The following MRPL4 variants were observed in gnomAD, a reference collection of about 807,000 sequenced individuals.
MRPL4 encodes large ribosomal subunit protein uL4m.
A neutral mutation model predicts 34.1 loss-of-function variants in MRPL4; 34 were observed. That is an observed-to-expected ratio of 1.00 (90% CI 0.76 to 1.33). The LOEUF (loss-of-function observed/expected upper bound fraction) is 1.33, where lower values mean the gene tolerates loss of function less well. Among genes scored for constraint, MRPL4 ranks in the 40% most tolerant of loss-of-function variants. The pLI, the probability that MRPL4 is intolerant of heterozygous loss-of-function variation, is 0.00. For missense variants in MRPL4, 402 were observed against 434.6 expected, an observed-to-expected ratio of 0.92 and a Z score of 0.67; for synonymous variants, 196 against 188.3, an observed-to-expected ratio of 1.04 and a Z score of -0.33.
rs773154891 is a variant in MRPL4 at position 10,252,218 on chromosome 19, G to A, written c.-36G>A. On this transcript the variant is annotated 5_prime_UTR_variant, in exon 1 of 9. Transcript: ENST00000253099. ...AGCGGCGCCTCGCGAGGCTCCAGTG[G>A]CCTTGACCTCCCGCGGCGTGGGAGG... 24 of 1,570,796 alleles carry A rather than the reference G, an allele frequency of 1.5e-5. No individual in the cohort carries two copies. The African/African-American group carries it at 1.8e-4, about 12-fold the overall frequency.
chr19:10,253,711 C>T (rs966458484), intron 3 of MRPL4, among the ~76,000 whole-genome samples: 6 of 151,430 alleles, frequency 4.0e-5, no homozygotes, highest in African/African-American at 1.5e-4. Context: ...GAATCGCTTG[C>T]ACCTGGGGAG....
In MRPL4 at chr19:10,259,858, G is replaced by C. The variant is rs910707233; in HGVS notation, c.*45G>C. ...GCCAGGCCGAGCCCCTGGCCGACTT[G>C]GGAGCCTCAGGCCCACGCCCACCCT... On this transcript the variant is annotated 3_prime_UTR_variant, in exon 9 of 9. Transcript: ENST00000253099. 2.0e-6 allele frequency: 3 copies of C among 1,534,708 alleles called. No homozygotes were observed. Among genetic ancestry groups the C allele is most frequent in the Non-Finnish European group, 2.7e-6 (3 of 1,123,972 alleles).
chr19:10,259,502 A>C, intron 8 of MRPL4, 115 bp from the exon 9 acceptor site: 1 of 1,494,804 alleles, frequency 6.7e-7, no homozygotes, highest in South Asian at 1.3e-5. Context: ...ACAAAGTCAC[A>C]CTAGACCACA....
chr19:10,256,559 C>A (rs2039853166), intron 4 of MRPL4, 149 bp from the exon 5 acceptor site: 2 of 616,612 alleles, frequency 3.2e-6, no homozygotes, highest in Non-Finnish European at 5.7e-6. Flanking sequence ...TCTTTACCCT[C>A]CCCCTCGCTC....
chr19:10,259,034 G>A, intron 8 of MRPL4: 1 of 1,398,334 alleles, frequency 7.2e-7, no homozygotes, highest in Non-Finnish European at 9.3e-7. Flanking sequence ...AGGGGGCCAA[G>A]GCTGCAGTGA....
chr19:10,253,619 C>T (rs953472901), intron 3 of MRPL4, among the ~76,000 whole-genome samples: 5 of 151,832 alleles, frequency 3.3e-5, no homozygotes, highest in African/African-American at 7.3e-5. Context: ...GATGAAACCC[C>T]GTCTCTACCA....
In MRPL4 at chr19:10,258,316, C is replaced by A. The variant is rs974086181; in HGVS notation, c.540C>A (p.Val180=). ...TGGGTCTCAAAGTGGCACTGACCGT[C>A]AAGCTGGCCCAGGTACAGCCATGGG... is the stretch of plus-strand genomic sequence containing the variant. ...RALGLKVALT[V]KLAQDDLHIM... Residue 180 remains valine (V), a synonymous_variant, in exon 6 of 9, where the codon GTC becomes GTA. Transcript: ENST00000253099. 2 of 1,614,008 alleles carry A rather than the reference C, an allele frequency of 1.2e-6. No individual in the cohort carries two copies. The highest frequency in any genetic ancestry group is 1.7e-6 in the Non-Finnish European group (2 of 1,180,024).
At chr19:10,253,031 T>C in intron 3 of MRPL4, 1 of 308,600 alleles carries the variant, frequency 3.2e-6, no homozygotes, top group Non-Finnish European at 6.0e-6. Flanking sequence ...ATGACTTAAT[T>C]CTGGCACATA....
At chr19:10,255,175 C>T (rs1228553886) in intron 4 of MRPL4, 1 of 152,450 alleles carries the variant, frequency 6.6e-6, no homozygotes, top group African/African-American at 2.4e-5. Context: ...GCAGGGACCA[C>T]GAGGACAAAA....
At position 10,252,772 on chromosome 19, in the gene MRPL4, C is replaced by T. The variant is rs529624578; in HGVS notation, c.275+71C>T. The T allele has an allele frequency of 4.5e-6, 7 of 1,546,308 alleles. No individual in the cohort carries two copies. In the Admixed American group the frequency reaches 9.1e-5, roughly 20 times the overall value. On this transcript the variant is annotated intron_variant, in intron 3 of 8. Coordinates refer to ENST00000253099, the MANE Select transcript of MRPL4 (RefSeq NM_015956.3). ...AGCGGGATTTCAGGAGTCACGATGACTTTGGGCTTGTACCCTTGGGAAAGT... is the reference window on the plus strand; with the variant it reads ...AGCGGGATTTCAGGAGTCACGATGATTTTGGGCTTGTACCCTTGGGAAAGT...
chr19:10,252,535 C>T lies in MRPL4; in HGVS notation c.125-16C>T, dbSNP rs751673231. 5.6e-6 allele frequency: 9 copies of T among 1,613,058 alleles called. No individual in the cohort carries two copies. The highest frequency in any genetic ancestry group is 5.5e-5 in the South Asian group (5 of 91,042). Reference sequence around the variant, plus strand: ...TGACCCTTGACCCTAACCTCTGACCCCCGCAATCGCTCCAGGTCTCCCGGA... The same window carrying T: ...TGACCCTTGACCCTAACCTCTGACCTCCGCAATCGCTCCAGGTCTCCCGGA... On this transcript the variant is annotated splice_polypyrimidine_tract_variant and intron_variant, in intron 2 of 8. Coordinates refer to ENST00000253099, the MANE Select transcript of MRPL4 (RefSeq NM_015956.3).
chr19:10,254,375 G>T (rs2039828701), intron 3 of MRPL4, among the ~76,000 whole-genome samples: 1 of 152,198 alleles, frequency 6.6e-6, no homozygotes, highest in Non-Finnish European at 1.5e-5. Context: ...CTACCTGTAG[G>T]CTGAGAAAGA....
chr19:10,258,607 A>G lies in MRPL4; in HGVS notation c.663-2A>G, dbSNP rs145283760. 48 of 1,614,090 alleles carry G rather than the reference A, an allele frequency of 3.0e-5. No homozygotes were observed. The highest frequency in any genetic ancestry group is 3.8e-5 in the Non-Finnish European group (45 of 1,180,044). On this transcript the variant is annotated splice_acceptor_variant, in intron 7 of 8. Transcript: ENST00000253099. LOFTEE classifies it high-confidence loss of function. The stretch of plus-strand genomic sequence containing the variant: ...ACCCCCACTCCCTGGCCTCTCTTAC[A>G]GAACACACGAGGAGATGCCACAGAG...
chr19:10,252,719 T>C lies in MRPL4; in HGVS notation c.275+18T>C, dbSNP rs1885631054. The C allele has an allele frequency of 2.5e-6, 4 of 1,594,806 alleles. No individual in the cohort carries two copies. Among genetic ancestry groups the C allele is most frequent in the African/African-American group, 1.3e-5 (1 of 74,816 alleles). ...GCGCCCAGGTGAGCGAGGGCTGTAA[T>C]GGTGAACTGAGTGGCAGAGGGATGA... On this transcript the variant is annotated intron_variant, in intron 3 of 8. Transcript: ENST00000253099.
At position 10,258,639 on chromosome 19, in the gene MRPL4, G is replaced by A. The variant is rs1299367805; in HGVS notation, c.693G>A (p.Val231=). The change falls in exon 8 of 9, where the codon GTG becomes GTA. Residue 231 remains valine, a synonymous_variant. Transcript: ENST00000253099. ...LTHEEMPQSI[V]EATSRLKTFN... ...ACGAGGAGATGCCACAGAGCATCGTGGAGGCCACCTCTAGGCTTAAGACCT... is the reference window on the plus strand; with the variant it reads ...ACGAGGAGATGCCACAGAGCATCGTAGAGGCCACCTCTAGGCTTAAGACCT... 1 of 1,614,190 alleles carries A rather than the reference G, an allele frequency of 6.2e-7. No individual in the cohort carries two copies. The highest frequency in any genetic ancestry group is 8.5e-7 in the Non-Finnish European group (1 of 1,180,042).
At chr19:10,253,281 C>G (rs1029173622) in intron 3 of MRPL4, among the ~76,000 whole-genome samples, 3 of 150,578 alleles carry the variant, frequency 2.0e-5, no homozygotes, top group African/African-American at 4.9e-5. Flanking sequence ...TCGAGACCAT[C>G]CTGGCTAACA....
Position 10,259,662 on chromosome 19 carries a change from C to A in MRPL4, c.785C>A (p.Thr262Lys), listed in dbSNP as rs371517605. The change falls in exon 9 of 9, where the codon ACG becomes AAG. Residue 262 changes from threonine (T) to lysine (K), a missense_variant. Transcript: ENST00000253099. ...SMLKHQTLVL[T>K]LPTVAFLEDK... ...CTCAAGCACCAGACGCTGGTCCTGA[C>A]GCTGCCCACCGTCGCCTTCCTGGAG... The A allele has an allele frequency of 6.2e-7, 1 of 1,606,120 alleles. No homozygotes were observed.
In MRPL4 at chr19:10,258,604, T is replaced by C. The variant is rs2039875420; in HGVS notation, c.663-5T>C. Reference sequence around the variant, plus strand: ...TCAACCCCCACTCCCTGGCCTCTCTTACAGAACACACGAGGAGATGCCACA... The same window carrying C: ...TCAACCCCCACTCCCTGGCCTCTCTCACAGAACACACGAGGAGATGCCACA... On this transcript the variant is annotated splice_polypyrimidine_tract_variant and splice_region_variant and intron_variant, in intron 7 of 8. Transcript: ENST00000253099. 1 of 1,614,044 alleles carries C rather than the reference T, an allele frequency of 6.2e-7. No homozygotes were observed. Among genetic ancestry groups the C allele is most frequent in the African/African-American group, 1.3e-5 (1 of 74,922 alleles).
upstream of MRPL4, chr19:10,252,134 C>T (rs1219486683): frequency 2.3e-6 from 3 of 1,295,894 alleles, no homozygotes; most frequent in East Asian, 5.2e-5. Flanking sequence ...TTTTGCACAC[C>T]CCGCTTTCCA....
Sources: allele counts gnomAD v4.1 joint callset (sites outside exome capture counted in the v4.1 genomes callset), GRCh38; gene constraint gnomAD v4.1.1; transcripts MANE v1.5; gene names NCBI Gene and HGNC (gene_info 2026-07-23, HGNC 2026-07-21).